XKR4: variants seen among roughly 807,000 people sequenced by gnomAD.
XKR4 encodes the protein XK-related protein 4.
Under a neutral mutation model 53.9 loss-of-function variants are expected in XKR4, and 12 were observed. The ratio of observed to expected loss-of-function variants is 0.22; its 90% CI spans 0.14 to 0.36. The LOEUF (loss-of-function observed/expected upper bound fraction) is 0.36. Ranked by LOEUF, XKR4 falls within the 10% of genes least tolerant of loss-of-function variation. XKR4 has a pLI of 1.00. For missense variants in XKR4, 799 were observed against 859.5 expected (o/e 0.93, Z 0.88); for synonymous variants, 354 against 362.4 (o/e 0.98, Z 0.26).
chr8:55,403,139 T>C (rs1239698896), intron 2 of XKR4, among the ~76,000 whole-genome samples: 3 of 152,240 alleles, frequency 2.0e-5, no homozygotes, highest in Non-Finnish European at 4.4e-5. Context: ...AGAGTACTTG[T>C]ACCTATTCAA....
chr8:55,310,238 A>T (rs988693630), intron 1 of XKR4, among the ~76,000 whole-genome samples: 10 of 152,212 alleles, frequency 6.6e-5, no homozygotes, highest in African/African-American at 2.4e-4. Flanking sequence ...AACTGCGTCA[A>T]TATTTTTAAA....
At chr8:55,191,226 C>T (rs1010750851) in intron 1 of XKR4, among the ~76,000 whole-genome samples, 5 of 152,140 alleles carry the variant, frequency 3.3e-5, no homozygotes, top group African/African-American at 1.2e-4. Context: ...CCATCCAAAC[C>T]CTCCTGGCTT....
At chr8:55,492,314 AT>A (rs1474431979) in intron 2 of XKR4, among the ~76,000 whole-genome samples, 1 of 152,250 alleles carries the variant, frequency 6.6e-6, no homozygotes, top group Admixed American at 6.5e-5. Context: ...GAATGTCTTT[AT>A]AATGGGCCAG....
rs980396606 is a variant in XKR4, at chr8:55,535,362, G to A, written c.*11135G>A. On this transcript the variant is annotated 3_prime_UTR_variant, in exon 3 of 3. Coordinates refer to ENST00000327381, the MANE Select transcript of XKR4 (RefSeq NM_052898.2). ...TTTAGCATCAGGTATATCTCCTAAT[G>A]CTATCCCTCCCCCCTCCCCCCACCC... 6.7e-6 allele frequency: 1 copy of A among 149,678 alleles called. No homozygotes were observed. The highest frequency in any genetic ancestry group is 1.5e-5 in the Non-Finnish European group (1 of 67,446). 9.3% of individuals were successfully genotyped at this position (149,678 alleles called of 1,614,324 possible).
chr8:55,496,042 T>C (rs753871356), intron 2 of XKR4, among the ~76,000 whole-genome samples: 11 of 152,234 alleles, frequency 7.2e-5, no homozygotes, highest in Non-Finnish European at 1.3e-4. Flanking sequence ...ATTAATTCAG[T>C]CATTCAGTCA....
At chr8:55,223,560 A>G (rs1817913169) in intron 1 of XKR4, among the ~76,000 whole-genome samples, 1 of 152,222 alleles carries the variant, frequency 6.6e-6, no homozygotes, top group Admixed American at 6.5e-5. Context: ...ATTTCTAGAA[A>G]GTAGCTAAAA....
intron 2 of XKR4, among the ~76,000 whole-genome samples, chr8:55,518,023 G>A (rs4422754): frequency 6.6e-6 from 1 of 152,138 alleles, no homozygotes; most frequent in African/African-American, 2.4e-5. Context: ...TGTCACAGGG[G>A]AAGGTTATGG....
At chr8:55,462,496 A>G (rs1391329575) in intron 2 of XKR4, among the ~76,000 whole-genome samples, 1 of 152,164 alleles carries the variant, frequency 6.6e-6, no homozygotes, top group Non-Finnish European at 1.5e-5. Flanking sequence ...GAAAGGAACA[A>G]CCGGTACCAG....
chr8:55,418,133 A>G (rs1804876028), intron 2 of XKR4, among the ~76,000 whole-genome samples: 1 of 152,202 alleles, frequency 6.6e-6, no homozygotes, highest in Admixed American at 6.5e-5. Context: ...AAGCCTTTCA[A>G]CTGTCCCTTA....
At chr8:55,478,564 G>A (rs1806041655) in intron 2 of XKR4, among the ~76,000 whole-genome samples, 1 of 152,118 alleles carries the variant, frequency 6.6e-6, no homozygotes, top group Non-Finnish European at 1.5e-5. Context: ...AACTTTAAAT[G>A]TAAATGGGCT....
chr8:55,463,167 T>A (rs1805690749), intron 2 of XKR4, among the ~76,000 whole-genome samples: 2 of 152,260 alleles, frequency 1.3e-5, no homozygotes, highest in South Asian at 4.1e-4. Flanking sequence ...ATCAACAGAA[T>A]ATACATTCTT....
At chr8:55,210,846 C>A (rs763156351) in intron 1 of XKR4, among the ~76,000 whole-genome samples, 1 of 152,188 alleles carries the variant, frequency 6.6e-6, no homozygotes, top group Non-Finnish European at 1.5e-5. Context: ...GTCTCATTTG[C>A]ATAAGGTGTG....
chr8:55,317,983 C>T (rs1036882035), intron 1 of XKR4, among the ~76,000 whole-genome samples: 2 of 152,148 alleles, frequency 1.3e-5, no homozygotes, highest in African/African-American at 4.8e-5. Context: ...AATGGTAGTA[C>T]CACACTGTAA....
At chr8:55,238,423 T>G (rs898057773) in intron 1 of XKR4, among the ~76,000 whole-genome samples, 5 of 152,172 alleles carry the variant, frequency 3.3e-5, no homozygotes, top group Non-Finnish European at 7.4e-5. Context: ...GGAAGGTTGG[T>G]CTTGCTGTCT....
chr8:55,512,959 G>A (rs1368655137), intron 2 of XKR4, among the ~76,000 whole-genome samples: 1 of 152,068 alleles, frequency 6.6e-6, no homozygotes, highest in African/African-American at 2.4e-5. Context: ...TGCAAATATT[G>A]GTGCCACCTT....
At chr8:55,358,443 C>T (rs112951669) in intron 2 of XKR4, among the ~76,000 whole-genome samples, 3 of 152,198 alleles carry the variant, frequency 2.0e-5, no homozygotes, top group African/African-American at 7.2e-5. Context: ...TATTTATATA[C>T]TATGAAGTTT....
At chr8:55,251,089 A>T (rs1302428338) in intron 1 of XKR4, among the ~76,000 whole-genome samples, 1 of 152,238 alleles carries the variant, frequency 6.6e-6, no homozygotes, top group African/African-American at 2.4e-5. Flanking sequence ...TAGGTATAGT[A>T]TAGGCATAGG....
At chr8:55,478,954 G>A (rs1231026199) in intron 2 of XKR4, among the ~76,000 whole-genome samples, 2 of 152,066 alleles carry the variant, frequency 1.3e-5, no homozygotes, top group East Asian at 1.9e-4. Flanking sequence ...AATAATGGGA[G>A]ACTTTAACAC....
chr8:55,220,197 T>C (rs1817862852), intron 1 of XKR4, among the ~76,000 whole-genome samples: 1 of 152,086 alleles, frequency 6.6e-6, no homozygotes, highest in Admixed American at 6.5e-5. Flanking sequence ...ATAATTATTA[T>C]TTATCAATTA....
Sources: allele counts gnomAD v4.1 joint callset (sites outside exome capture counted in the v4.1 genomes callset), GRCh38; gene constraint gnomAD v4.1.1; transcripts MANE v1.5; gene names NCBI Gene and HGNC (gene_info 2026-07-23, HGNC 2026-07-21).